Variants in PI4K2B observed in about 807,000 individuals in gnomAD.
The protein encoded by PI4K2B is phosphatidylinositol 4-kinase type 2-beta.
Under a neutral mutation model 56.6 loss-of-function variants are expected in PI4K2B, and 46 were observed. That is an observed-to-expected ratio of 0.81 (90% CI 0.64 to 1.04). The LOEUF is 1.04. Among genes scored for constraint, PI4K2B ranks in the 50% least tolerant of loss-of-function variants. The pLI is 0.00. For missense variants in PI4K2B, 556 were observed against 607.7 expected, an observed-to-expected ratio of 0.91 and a Z score of 0.89; for synonymous variants, 211 against 223.8, an observed-to-expected ratio of 0.94 and a Z score of 0.51.
chr4:25,238,617 C>A (rs896452410), intron 1 of PI4K2B, among the ~76,000 whole-genome samples: 4 of 151,966 alleles, frequency 2.6e-5, no homozygotes, highest in African/African-American at 7.3e-5. Flanking sequence ...AGTGAAGCTG[C>A]GACCTTCACG....
chr4:25,275,741 A>G (rs752925101), intron 9 of PI4K2B, among the ~76,000 whole-genome samples: 3 of 152,230 alleles, frequency 2.0e-5, no homozygotes, highest in Non-Finnish European at 2.9e-5. Flanking sequence ...AACATAACCT[A>G]TAACACTGTT....
chr4:25,273,738 A>AT (rs1253634937), intron 9 of PI4K2B, among the ~76,000 whole-genome samples: 2 of 152,228 alleles, frequency 1.3e-5, no homozygotes, highest in Non-Finnish European at 1.5e-5. Context: ...CGCTGAAACA[A>AT]GAACAATCTC....
chr4:25,252,306 T>C lies in PI4K2B; in HGVS notation c.269-15T>C, dbSNP rs34253230. On this transcript the variant is annotated splice_polypyrimidine_tract_variant and intron_variant, in intron 1 of 9. Coordinates refer to ENST00000264864, the MANE Select transcript of PI4K2B (RefSeq NM_018323.4). ...TCATGAGCATTCTCATAGCTGGTAT[T>C]TCTTCTTAATGCAGTAACTATTGGT... The C allele has an allele frequency of 4.6e-3, 7,315 of 1,596,958 alleles. 36 individuals are homozygous for C. Among genetic ancestry groups the C allele is most frequent in the South Asian group, 7.3e-3 (662 of 90,528 alleles).
In PI4K2B at chr4:25,251,540, G is replaced by A. The variant is rs562675944; in HGVS notation, c.269-781G>A. Among the ~76,000 whole-genome samples, 3 of 152,264 alleles carry A rather than the reference G, an allele frequency of 2.0e-5. No individual in the cohort carries two copies. In the East Asian group the frequency reaches 5.8e-4, roughly 29 times the overall value. Reference sequence around the variant, plus strand: ...AAGGACATGAAGGGAGAGAATTCCAGTGACGTGGGGGAGCAGTCCTTTGTA... The same window carrying A: ...AAGGACATGAAGGGAGAGAATTCCAATGACGTGGGGGAGCAGTCCTTTGTA... On this transcript the variant is annotated intron_variant, in intron 1 of 9. Transcript: ENST00000264864.
chr4:25,234,261 T>C lies in PI4K2B; in HGVS notation c.98T>C (p.Ile33Thr). Reference sequence around the variant, plus strand: ...GAGCGGGAGCCGCTGCTACCGCGGATCGCCTGGGCCCACCCGCGGAGAGGC... The same window carrying C: ...GAGCGGGAGCCGCTGCTACCGCGGACCGCCTGGGCCCACCCGCGGAGAGGC... The part of the protein sequence containing the change: ...DGEREPLLPR[I>T]AWAHPRRGAP... Residue 33 changes from isoleucine (I) to threonine (T), a missense_variant, in exon 1 of 10, where the codon ATC becomes ACC. Physicochemically the swap from Ile to Thr is moderately conservative, Grantham distance 89. Coordinates refer to ENST00000264864, the MANE Select transcript of PI4K2B (RefSeq NM_018323.4). 1 of 1,425,938 alleles carries C rather than the reference T, an allele frequency of 7.0e-7. No individual in the cohort carries two copies. Among genetic ancestry groups the C allele is most frequent in the Non-Finnish European group, 9.2e-7 (1 of 1,087,706 alleles). 88.3% of individuals were successfully genotyped at this position (1,425,938 alleles called of 1,614,324 possible).
At chr4:25,237,812 A>G (rs1475080173) in intron 1 of PI4K2B, among the ~76,000 whole-genome samples, 3 of 152,202 alleles carry the variant, frequency 2.0e-5, no homozygotes, top group African/African-American at 7.2e-5. Context: ...CATGAGTTTC[A>G]GGTTACACTG....
chr4:25,265,574 C>T (rs912027312), intron 7 of PI4K2B, among the ~76,000 whole-genome samples: 2 of 152,142 alleles, frequency 1.3e-5, no homozygotes, highest in African/African-American at 4.8e-5. Flanking sequence ...TTTACATACT[C>T]ATATTTTCTG....
intron 1 of PI4K2B, among the ~76,000 whole-genome samples, chr4:25,239,751 G>C (rs1715436362): frequency 6.6e-6 from 1 of 152,236 alleles, no homozygotes; most frequent in African/African-American, 2.4e-5. Context: ...GAGGCGCCGA[G>C]AGTGAGCGAG....
chr4:25,243,711 G>A (rs1053541259), intron 1 of PI4K2B, among the ~76,000 whole-genome samples: 6 of 152,182 alleles, frequency 3.9e-5, no homozygotes, highest in Admixed American at 6.5e-5. Context: ...AAGGCCTCTC[G>A]TAGCCGCTCG....
rs765193166 is a variant in PI4K2B, at chr4:25,252,465, A to T, written c.413A>T (p.Asp138Val). The stretch of plus-strand genomic sequence containing the variant: ...TCAAGTGGAAGTTACTTTGTGAAGG[A>T]TCCTAAGAGGGTGAGAATTTCACAG... Reference protein sequence around the residue: ...QGSSGSYFVKDPKRKIIGVFK... With the variant: ...QGSSGSYFVKVPKRKIIGVFK... Residue 138 changes from aspartate to valine, a missense_variant, in exon 2 of 10, where the codon GAT becomes GTT. Asp to Val is a radical substitution (Grantham distance 152, BLOSUM62 -3). Transcript: ENST00000264864. 5.0e-6 allele frequency: 8 copies of T among 1,608,426 alleles called. No individual in the cohort carries two copies. The South Asian group carries it at 7.7e-5, about 15-fold the overall frequency.
Position 25,277,738 on chromosome 4 carries a change from G to C in PI4K2B, c.*551G>C, listed in dbSNP as rs1717157768. ...GACCAGAAAATTATATCTTGGCTAA[G>C]TAATAGAGGACCATTTTGGTTTTTG... On this transcript the variant is annotated 3_prime_UTR_variant, in exon 10 of 10. Coordinates refer to ENST00000264864, the MANE Select transcript of PI4K2B (RefSeq NM_018323.4). The C allele has an allele frequency of 6.6e-6, 1 of 152,194 alleles. No homozygotes were observed. The highest frequency in any genetic ancestry group is 2.4e-5 in the African/African-American group (1 of 41,448). The allele number at this position is 152,194 out of a possible 1,614,324, so 9.4% of individuals were successfully genotyped here. A position where few individuals can be genotyped will look rare whatever the true frequency, so the allele number is the denominator to read the frequency against.
intron 1 of PI4K2B, among the ~76,000 whole-genome samples, chr4:25,240,145 A>G (rs1441114253): frequency 1.3e-5 from 2 of 152,146 alleles, no homozygotes; most frequent in Non-Finnish European, 2.9e-5. Flanking sequence ...ATGTTGCCCA[A>G]CTCCAGAGGT....
At position 25,277,863 on chromosome 4, in the gene PI4K2B, G is replaced by T. The variant is rs550698343; in HGVS notation, c.*676G>T. ...AAATGGAAATATTCAATTGAGACTT[G>T]AGGGGAATAATAGAAAATTAAGGTA... On this transcript the variant is annotated 3_prime_UTR_variant, in exon 10 of 10. Coordinates refer to ENST00000264864, the MANE Select transcript of PI4K2B (RefSeq NM_018323.4). The T allele has an allele frequency of 1.3e-5, 2 of 152,230 alleles. No individual in the cohort carries two copies. The highest frequency in any genetic ancestry group is 4.1e-4 in the South Asian group (2 of 4,830). The allele number at this position is 152,230 out of a possible 1,614,324, so 9.4% of individuals were successfully genotyped here. A position where few individuals can be genotyped will look rare whatever the true frequency, so the allele number is the denominator to read the frequency against.
intron 6 of PI4K2B, among the ~76,000 whole-genome samples, chr4:25,261,301 T>G (rs1716469189): frequency 6.6e-6 from 1 of 152,160 alleles, no homozygotes; most frequent in South Asian, 2.1e-4. Flanking sequence ...AAAAAAGTAT[T>G]AAATACTTTT....
rs551797363 is a variant in PI4K2B at position 25,240,131 on chromosome 4, A to G, written c.268+5700A>G. Among the ~76,000 whole-genome samples, 4 of 152,336 alleles carry G rather than the reference A, an allele frequency of 2.6e-5. No individual in the cohort carries two copies. In the South Asian group the frequency reaches 8.3e-4, roughly 32 times the overall value. On this transcript the variant is annotated intron_variant, in intron 1 of 9. Transcript: ENST00000264864. ...TGCCACAGGACCTAGAAAGGGGAGA[A>G]GTCATGTTGCCCAACTCCAGAGGTT...
At chr4:25,276,207 T>C (rs959548055) in intron 9 of PI4K2B, 18 of 155,492 alleles carry the variant, frequency 1.2e-4, no homozygotes, top group Admixed American at 1.1e-3. Flanking sequence ...CTGCTATAAT[T>C]TTATTTGACC....
At position 25,268,308 on chromosome 4, in the gene PI4K2B, A is replaced by G. The variant is rs1327741237; in HGVS notation, c.1079-135A>G. On this transcript the variant is annotated intron_variant, in intron 7 of 9. Coordinates refer to ENST00000264864, the MANE Select transcript of PI4K2B (RefSeq NM_018323.4). ...CTGAGTAATTTGGATTGCAGTGGGT[A>G]GTTGTACTCTGATTAAGTTCTTATC... 6.2e-5 allele frequency: 40 copies of G among 646,756 alleles called. 1 individual carries two copies. Among genetic ancestry groups the G allele is most frequent in the Middle Eastern group, 3.9e-4 (1 of 2,562 alleles). 40.1% of individuals were successfully genotyped at this position (646,756 alleles called of 1,614,324 possible).
chr4:25,254,880 A>G (rs1716197863), intron 2 of PI4K2B, among the ~76,000 whole-genome samples, 185 bp from the exon 3 acceptor site: 1 of 152,170 alleles, frequency 6.6e-6, no homozygotes, highest in Non-Finnish European at 1.5e-5. Context: ...ATAAGAATGA[A>G]TATGAAAATG....
chr4:25,271,232 G>A (rs544538356), intron 9 of PI4K2B, among the ~76,000 whole-genome samples: 7 of 152,318 alleles, frequency 4.6e-5, no homozygotes, highest in Non-Finnish European at 7.3e-5. Flanking sequence ...CCAGACTGTA[G>A]ATTCCACAAG....
Sources: gnomAD v4.1 joint callset for allele counts (sites outside exome capture counted in the v4.1 genomes callset) on GRCh38, gnomAD v4.1.1 for gene constraint, MANE v1.5 for transcripts, NCBI Gene and HGNC (gene_info 2026-07-23, HGNC 2026-07-21) for gene names.